The following RASD2 variants were observed in gnomAD, a reference collection of about 807,000 sequenced individuals.
RASD2 encodes the protein RASD family member 2.
In RASD2, 7 loss-of-function variants were observed where a neutral mutation model predicts 15.8. That is an observed-to-expected ratio of 0.44 (90% CI 0.25 to 0.83). RASD2 has a LOEUF of 0.83. Ranked by LOEUF, RASD2 falls within the 40% of genes least tolerant of loss-of-function variation. The probability of loss-of-function intolerance (pLI) is 0.20; values close to 1 mark genes in which losing one functional copy is unlikely to be tolerated. For missense variants in RASD2, 274 were observed against 382.8 expected, an observed-to-expected ratio of 0.72 and a Z score of 2.37; for synonymous variants, 155 against 153.6, an observed-to-expected ratio of 1.01 and a Z score of -0.07.
At chr22:35,537,415 G>T (rs1934259756), upstream of RASD2, among the ~76,000 whole-genome samples, 1 of 152,232 alleles carries the variant, frequency 6.6e-6, no homozygotes, top group South Asian at 2.1e-4. Context: ...ACATGCTAAT[G>T]GGGGTGACGA....
chr22:35,547,041 C>T lies in RASD2; in HGVS notation c.232C>T (p.His78Tyr). The change falls in exon 2 of 3, where the codon CAC becomes TAC. Residue 78 changes from histidine (H) to tyrosine (Y), a missense_variant. By Grantham distance (83) the His-to-Tyr change is moderately conservative. Coordinates refer to ENST00000216127, the MANE Select transcript of RASD2 (RefSeq NM_014310.4). ...QLDILDTSGN[H>Y]PFPAMRRLSI... The stretch of plus-strand genomic sequence containing the variant: ...CGACATCCTGGATACCTCTGGCAAC[C>T]ACCCCTTCCCCGCCATGCGCAGGCT... The T allele has an allele frequency of 6.2e-7, 1 of 1,614,088 alleles. No homozygotes were observed. The highest frequency in any genetic ancestry group is 8.5e-7 in the Non-Finnish European group (1 of 1,179,980).
intron 2 of RASD2, among the ~76,000 whole-genome samples, chr22:35,550,818 CA>C (rs1934644434): frequency 6.6e-6 from 1 of 152,118 alleles, no homozygotes; most frequent in Non-Finnish European, 1.5e-5. Context: ...ACCTGTAATG[CA>C]AAGGTAACAA....
upstream of RASD2, among the ~76,000 whole-genome samples, chr22:35,536,890 A>G (rs914720320): frequency 1.3e-5 from 2 of 152,142 alleles, no homozygotes; most frequent in Non-Finnish European, 1.5e-5. Context: ...TGCTCTAGCA[A>G]CCCTGGGTGC....
chr22:35,539,410 A>C (rs1223123477), upstream of RASD2, among the ~76,000 whole-genome samples: 1 of 152,240 alleles, frequency 6.6e-6, no homozygotes, highest in Non-Finnish European at 1.5e-5. Flanking sequence ...TGAGGCTGGC[A>C]GACATCCCTG....
chr22:35,542,173 G>A (rs2145867975), intron 1 of RASD2, among the ~76,000 whole-genome samples: 1 of 152,296 alleles, frequency 6.6e-6, no homozygotes, highest in Non-Finnish European at 1.5e-5. Context: ...AGGCTGGGAG[G>A]GAGCAGCCAG....
At position 35,553,025 on chromosome 22, in the gene RASD2, A is replaced by T. The variant is rs1016827471; in HGVS notation, c.*993A>T. The stretch of plus-strand genomic sequence containing the variant: ...AGGATACCACCGAGACTCGGAGGGG[A>T]CACGATGAGCACCAGGCCCCACCTT... On this transcript the variant is annotated 3_prime_UTR_variant, in exon 3 of 3. Transcript: ENST00000216127. 6.7e-6 allele frequency: 1 copy of T among 149,154 alleles called. No individual in the cohort carries two copies. The highest frequency in any genetic ancestry group is 6.8e-5 in the Admixed American group (1 of 14,798). 9.2% of individuals were successfully genotyped at this position (149,154 alleles called of 1,614,324 possible). A position where few individuals can be genotyped will look rare whatever the true frequency, so the allele number is the denominator to read the frequency against.
chr22:35,551,458 T>C lies in RASD2; in HGVS notation c.272-45T>C. ...TTCTGTGGCCAGAGGAGGGCAGGGG[T>C]TGCAGCTGGCCGGTGAACTCACTAC... On this transcript the variant is annotated intron_variant, in intron 2 of 2. Transcript: ENST00000216127. The surrounding 1 kb of genome is among the most constrained non-coding windows in gnomAD (Gnocchi z 4.9). 6.4e-7 allele frequency: 1 copy of C among 1,574,612 alleles called. No homozygotes were observed. The highest frequency in any genetic ancestry group is 1.2e-5 in the South Asian group (1 of 86,102).
At chr22:35,549,727 G>A (rs1312319282) in intron 2 of RASD2, among the ~76,000 whole-genome samples, 5 of 152,210 alleles carry the variant, frequency 3.3e-5, no homozygotes, top group Admixed American at 6.5e-5. Context: ...ACCCTTCTCT[G>A]TGCCCGAGCT....
In RASD2 at chr22:35,553,651, T is replaced by C. The variant is rs990473330; in HGVS notation, c.*1619T>C. On this transcript the variant is annotated 3_prime_UTR_variant, in exon 3 of 3. Coordinates refer to ENST00000216127, the MANE Select transcript of RASD2 (RefSeq NM_014310.4). ...CTGGGGCCTTCAGGGCTTTGGGACA[T>C]CTTGTCCTCAACCCTCTCCCTAGAT... 1.3e-5 allele frequency: 2 copies of C among 152,150 alleles called. No homozygotes were observed. The highest frequency in any genetic ancestry group is 2.4e-5 in the African/African-American group (1 of 41,430). The allele number at this position is 152,150 out of a possible 1,614,324, so 9.4% of individuals were successfully genotyped here.
chr22:35,551,957 T>C lies in RASD2; in HGVS notation c.726T>C (p.Ser242=), dbSNP rs1200925850. The C allele has an allele frequency of 9.3e-6, 15 of 1,604,928 alleles. No homozygotes were observed. The highest frequency in any genetic ancestry group is 1.2e-5 in the Non-Finnish European group (14 of 1,179,970). ...TCGCCCGCCGCCCCAGCGTCAACAG[T>C]GACCTCAAGTACATCAAGGCCAAGG... ...SPFARRPSVN[S]DLKYIKAKVL... The change falls in exon 3 of 3, where the codon AGT becomes AGC. Residue 242 remains serine, a synonymous_variant. Transcript: ENST00000216127. The surrounding 1 kb of genome is among the most constrained non-coding windows in gnomAD (Gnocchi z 4.9).
At chr22:35,544,745 C>G (rs887097201) in intron 1 of RASD2, among the ~76,000 whole-genome samples, 1 of 152,202 alleles carries the variant, frequency 6.6e-6, no homozygotes, top group Admixed American at 6.5e-5. Context: ...TCAAACCTCT[C>G]CTCTGCTGGT....
upstream of RASD2, among the ~76,000 whole-genome samples, chr22:35,539,453 C>T (rs902094777): frequency 3.3e-5 from 5 of 152,262 alleles, no homozygotes; most frequent in African/African-American, 9.6e-5. Context: ...GGGACACAGA[C>T]ACAGCATCCC....
Position 35,547,002 on chromosome 22 carries a change from G to A in RASD2, c.193G>A (p.Asp65Asn), listed in dbSNP as rs1390510128. The A allele has an allele frequency of 2.5e-6, 4 of 1,614,082 alleles. No individual in the cohort carries two copies. In the South Asian group the frequency reaches 3.3e-5, roughly 13 times the overall value. ...FHRKVYNIRG[D>N]MYQLDILDTS... ...CCGTAAGGTATACAACATCCGCGGC[G>A]ACATGTACCAGCTCGACATCCTGGA... The change falls in exon 2 of 3, where the codon GAC (aspartate) becomes AAC (asparagine). Residue 65 changes from aspartate (D) to asparagine (N), a missense_variant. Physicochemically the swap from Asp to Asn is conservative, Grantham distance 23 (BLOSUM62 1). Transcript: ENST00000216127.
Position 35,552,335 on chromosome 22 carries a change from T to A in RASD2, c.*303T>A. The A allele has an allele frequency of 2.3e-6, 1 of 439,176 alleles. No homozygotes were observed. Among genetic ancestry groups the A allele is most frequent in the Admixed American group, 3.9e-5 (1 of 25,788 alleles). 27.2% of individuals were successfully genotyped at this position (439,176 alleles called of 1,614,324 possible). A position where few individuals can be genotyped will look rare whatever the true frequency, so the allele number is the denominator to read the frequency against. ...TCCTCTCCTGGGGTTGGAAGAAATG[T>A]TGATGCCAGAGGGGTGAGGATTGCT... On this transcript the variant is annotated 3_prime_UTR_variant, in exon 3 of 3. Transcript: ENST00000216127.
At chr22:35,535,943 C>G (rs928588007), upstream of RASD2, among the ~76,000 whole-genome samples, 5 of 152,134 alleles carry the variant, frequency 3.3e-5, no homozygotes, top group Non-Finnish European at 5.9e-5. Context: ...CAGAAATGGT[C>G]AGATGCACCG....
At chr22:35,536,382 G>A (rs1161548966), upstream of RASD2, among the ~76,000 whole-genome samples, 1 of 151,216 alleles carries the variant, frequency 6.6e-6, no homozygotes, top group Non-Finnish European at 1.5e-5. Flanking sequence ...CTAGAGGGCA[G>A]TGGCGCAATC....
chr22:35,552,099 G>T lies in RASD2; in HGVS notation c.*67G>T. The T allele has an allele frequency of 2.0e-6, 3 of 1,516,938 alleles. No homozygotes were observed. The highest frequency in any genetic ancestry group is 1.4e-5 in the African/African-American group (1 of 72,938). 94.0% of individuals were successfully genotyped at this position (1,516,938 alleles called of 1,614,324 possible). A position where few individuals can be genotyped will look rare whatever the true frequency, so the allele number is the denominator to read the frequency against. ...AGGTGGCCCCAGATGCCCACTGTGCGCATCTCCCCACCGAGGCCCCGGCAG... is the reference window on the plus strand; with the variant it reads ...AGGTGGCCCCAGATGCCCACTGTGCTCATCTCCCCACCGAGGCCCCGGCAG... On this transcript the variant is annotated 3_prime_UTR_variant, in exon 3 of 3. Transcript: ENST00000216127.
chr22:35,544,613 A>C (rs1171605101), intron 1 of RASD2, among the ~76,000 whole-genome samples: 1 of 152,228 alleles, frequency 6.6e-6, no homozygotes, highest in Non-Finnish European at 1.5e-5. Flanking sequence ...ATTCAAAGAC[A>C]GCTTTAGGTG....
intron 2 of RASD2, among the ~76,000 whole-genome samples, chr22:35,550,753 G>A (rs530682010): frequency 1.3e-5 from 2 of 152,314 alleles, no homozygotes; most frequent in South Asian, 2.1e-4. Flanking sequence ...CTAGCCACAC[G>A]GAAGCTGTGT....
Sources: allele counts gnomAD v4.1 joint callset (sites outside exome capture counted in the v4.1 genomes callset), GRCh38; gene constraint gnomAD v4.1.1; non-coding constraint Gnocchi (gnomAD v3.1); transcripts MANE v1.5; gene names NCBI Gene and HGNC (gene_info 2026-07-23, HGNC 2026-07-21).